The following MYOF variants were observed in gnomAD, a reference collection of about 807,000 sequenced individuals.
MYOF encodes fer-1-like 3, myoferlin.
In MYOF, 244 loss-of-function variants were observed where a neutral mutation model predicts 284.2. The observed-to-expected ratio is 0.86, with a 90% CI of 0.77 to 0.95. The LOEUF is 0.95. Among genes scored for constraint, MYOF ranks in the 40% least tolerant of loss-of-function variants. The pLI is 0.00. For missense variants in MYOF, 2,496 were observed against 2,560.6 expected, an observed-to-expected ratio of 0.97 and a Z score of 0.54; for synonymous variants, 904 against 919.7, an observed-to-expected ratio of 0.98 and a Z score of 0.31.
chr10:93,423,693 C>T lies in MYOF; in HGVS notation c.433+2378G>A, dbSNP rs180798205. Among the ~76,000 whole-genome samples, 205 of 151,018 alleles carry T rather than the reference C, an allele frequency of 1.4e-3. 1 individual carries two copies. The highest frequency in any genetic ancestry group is 4.5e-3 in the African/African-American group (184 of 41,158). On this transcript the variant is annotated intron_variant, in intron 5 of 53. Transcript: ENST00000359263. ...CTAAAAATACAAAAAATTAGCTGGACGTGGTGGCGGGCGCCTATAGTCCCA... is the reference window on the plus strand; with the variant it reads ...CTAAAAATACAAAAAATTAGCTGGATGTGGTGGCGGGCGCCTATAGTCCCA...
rs1394284666 is a variant in MYOF, at chr10:93,377,403, T to A, written c.2028A>T (p.Ser676=). Residue 676 remains serine, a synonymous_variant, in exon 22 of 54, where the codon TCA becomes TCT. Coordinates refer to ENST00000359263, the MANE Select transcript of MYOF (RefSeq NM_013451.4). ...RLQTNIEALK[S]GIQGKIPANQ... ...TTGCAGGAATTTTACCTTGTATCCCTGATTTTAGAGCTTCTATATTTGTTT... is the reference window on the plus strand; with the variant it reads ...TTGCAGGAATTTTACCTTGTATCCCAGATTTTAGAGCTTCTATATTTGTTT... 1.3e-5 allele frequency: 21 copies of A among 1,613,850 alleles called. No individual in the cohort carries two copies. The highest frequency in any genetic ancestry group is 1.7e-5 in the Non-Finnish European group (20 of 1,179,792).
Position 93,329,838 on chromosome 10 carries a change from A to C in MYOF, c.4812-4T>G. On this transcript the variant is annotated splice_region_variant and splice_polypyrimidine_tract_variant and intron_variant, in intron 43 of 53. Transcript: ENST00000359263. ...GTAGCAGCTCAGTTCGTACATCCTA[A>C]ATAAACAAATGCAAGGTCAGAATCT... 6.2e-7 allele frequency: 1 copy of C among 1,613,854 alleles called. No individual in the cohort carries two copies. The highest frequency in any genetic ancestry group is 8.5e-7 in the Non-Finnish European group (1 of 1,179,862).
intron 30 of MYOF, among the ~76,000 whole-genome samples, chr10:93,356,094 G>A (rs1844790289): frequency 6.6e-6 from 1 of 152,142 alleles, no homozygotes; most frequent in Non-Finnish European, 1.5e-5. Context: ...ATACTGTGGG[G>A]TCAGAGTGCA....
At chr10:93,374,071 C>T (rs1589459631) in intron 23 of MYOF, among the ~76,000 whole-genome samples, 2 of 152,122 alleles carry the variant, frequency 1.3e-5, no homozygotes, top group East Asian at 3.9e-4. Flanking sequence ...TCCAAATGTT[C>T]TCATTGTTCA....
At chr10:93,441,951 G>A (rs992770355) in intron 3 of MYOF, among the ~76,000 whole-genome samples, 6 of 144,946 alleles carry the variant, frequency 4.1e-5, no homozygotes, top group Non-Finnish European at 9.0e-5. Context: ...ATATTCCCCC[G>A]AACAACCTCT....
At chr10:93,323,199 CT>C (rs1346715643) in intron 47 of MYOF, 26 bp from the exon 48 acceptor site, 23 of 1,613,010 alleles carry the variant, frequency 1.4e-5, no homozygotes, top group Non-Finnish European at 1.7e-5. Flanking sequence ...TTGGAAGGTA[CT>C]TTTTTTTCTG....
chr10:93,321,435 T>A (rs940316996), intron 48 of MYOF, among the ~76,000 whole-genome samples: 4 of 138,194 alleles, frequency 2.9e-5, no homozygotes, highest in South Asian at 2.3e-4. Context: ...TTTTTTTTTT[T>A]ACAAGAGCCA....
intron 35 of MYOF, among the ~76,000 whole-genome samples, chr10:93,350,187 A>G (rs1321634474): frequency 6.6e-6 from 1 of 152,138 alleles, no homozygotes; most frequent in Non-Finnish European, 1.5e-5. Context: ...TAGGAATCAA[A>G]TCCTGGCTGT....
At chr10:93,448,352 C>T (rs574237443) in intron 3 of MYOF, among the ~76,000 whole-genome samples, 3 of 152,180 alleles carry the variant, frequency 2.0e-5, no homozygotes, top group Admixed American at 1.3e-4. Flanking sequence ...TCCTTTCCCC[C>T]CACCCTTGAC....
rs370328569 is a variant in MYOF at position 93,359,879 on chromosome 10, C to T, written c.3074G>A (p.Arg1025Gln). The T allele has an allele frequency of 8.7e-5, 141 of 1,614,194 alleles. No homozygotes were observed. Among genetic ancestry groups the T allele is most frequent in the African/African-American group, 7.9e-4 (59 of 75,058 alleles). The change falls in exon 29 of 54, where the codon CGA becomes CAA. Residue 1025 changes from arginine (R) to glutamine (Q), a missense_variant. Arg to Gln is a conservative substitution (Grantham distance 43, BLOSUM62 1). Transcript: ENST00000359263. ...YHTHRRRRLV[R>Q]KRKKDLTQTA... ...CTGTGTTAAATCTTTCTTGCGTTTT[C>T]GGACCAGCCTTCGCCGTCTATGAGT...
rs192396771 is a variant in MYOF, at chr10:93,346,916, C to T, written c.4249+701G>A. ...ATTCAGTGAAAGGCAGAGGAAATGA[C>T]TTCATCCCCATCACTGATGTGGGAA... On this transcript the variant is annotated intron_variant, in intron 37 of 53. Transcript: ENST00000359263. Among the ~76,000 whole-genome samples the T allele has an allele frequency of 9.8e-4, 150 of 152,348 alleles. 1 individual carries two copies. The highest frequency in any genetic ancestry group is 3.3e-3 in the African/African-American group (139 of 41,586).
At chr10:93,337,594 G>A (rs1843673858) in intron 40 of MYOF, 1 of 482,192 alleles carries the variant, frequency 2.1e-6, no homozygotes, top group Non-Finnish European at 3.6e-6. Flanking sequence ...AAGCCCCAAT[G>A]TGGCAGTCAC....
chr10:93,472,967 A>C (rs1015203206), intron 1 of MYOF, among the ~76,000 whole-genome samples: 1 of 152,174 alleles, frequency 6.6e-6, no homozygotes, highest in African/African-American at 2.4e-5. Context: ...ATATTTTATC[A>C]CAATTGCTCC....
chr10:93,391,687 G>A (rs1264991426), intron 17 of MYOF, among the ~76,000 whole-genome samples: 1 of 152,032 alleles, frequency 6.6e-6, no homozygotes, highest in Non-Finnish European at 1.5e-5. Context: ...TCCGTTTAAT[G>A]CACAGTGGAC....
chr10:93,429,297 G>A (rs901680570), intron 4 of MYOF, among the ~76,000 whole-genome samples: 3 of 152,108 alleles, frequency 2.0e-5, no homozygotes, highest in African/African-American at 7.2e-5. Flanking sequence ...CTCACCAGAA[G>A]CTGAGCAGAT....
At chr10:93,426,483 C>T (rs914342330) in intron 4 of MYOF, among the ~76,000 whole-genome samples, 1 of 152,134 alleles carries the variant, frequency 6.6e-6, no homozygotes, top group Non-Finnish European at 1.5e-5. Context: ...AGATGCCCTC[C>T]CATCACAGAA....
chr10:93,381,601 T>C (rs1846116632), intron 19 of MYOF, among the ~76,000 whole-genome samples: 1 of 152,132 alleles, frequency 6.6e-6, no homozygotes, highest in Admixed American at 6.5e-5. Flanking sequence ...CAGCATTGAT[T>C]GAAATGGAGG....
intron 3 of MYOF, among the ~76,000 whole-genome samples, chr10:93,437,259 GT>G (rs138422505): frequency 0.11 from 17,090 of 149,932 alleles, 1,210 homozygotes; most frequent in Middle Eastern, 0.16. Flanking sequence ...CGCTTAAACT[GT>G]TTTTTTTTTC....
chr10:93,333,920 G>C lies in MYOF; in HGVS notation c.4564-7C>G, dbSNP rs1843473571. ...GGTAGATCCGAAAGGAGCCCTAAAA[G>C]AGAGAGACAGAAGGACTCACAGGGC... On this transcript the variant is annotated splice_region_variant and splice_polypyrimidine_tract_variant and intron_variant, in intron 41 of 53. Transcript: ENST00000359263. 6.2e-7 allele frequency: 1 copy of C among 1,613,180 alleles called. No individual in the cohort carries two copies. The highest frequency in any genetic ancestry group is 8.5e-7 in the Non-Finnish European group (1 of 1,179,650).
Sources: gnomAD v4.1 joint callset for allele counts (sites outside exome capture counted in the v4.1 genomes callset) on GRCh38, gnomAD v4.1.1 for gene constraint, MANE v1.5 for transcripts, NCBI Gene and HGNC (gene_info 2026-07-23, HGNC 2026-07-21) for gene names.